Variants in JAKMIP2 observed in about 807,000 individuals in gnomAD.
The protein encoded by JAKMIP2 is janus kinase and microtubule interacting protein 2.
A neutral mutation model predicts 115.0 loss-of-function variants in JAKMIP2; 25 were observed. The observed-to-expected ratio is 0.22, with a 90% confidence interval of 0.16 to 0.30. The LOEUF is 0.30. JAKMIP2 is among the 10% of genes least tolerant of loss of function. JAKMIP2 has a pLI of 1.00. For synonymous variants in JAKMIP2, 334 were observed against 343.6 expected, an observed-to-expected ratio of 0.97 and a Z score of 0.31; for missense variants, 642 against 957.6, an observed-to-expected ratio of 0.67 and a Z score of 4.35.
Position 147,623,702 on chromosome 5 carries a change from C to T in JAKMIP2, c.1996-13G>A. On this transcript the variant is annotated splice_polypyrimidine_tract_variant and intron_variant, in intron 16 of 21. Coordinates refer to ENST00000616793, the MANE Select transcript of JAKMIP2 (RefSeq NM_001270941.2). ...TCTGCTGGATCCACTAAGGGGTTAA[C>T]AAGACAAAAGTGTTTGACATGGCTG... is the stretch of plus-strand genomic sequence containing the variant. 1 of 1,597,784 alleles carries T rather than the reference C, an allele frequency of 6.3e-7. No homozygotes were observed. The highest frequency in any genetic ancestry group is 1.1e-5 in the South Asian group (1 of 90,758).
At chr5:147,625,536 T>A (rs578250684) in intron 16 of JAKMIP2, among the ~76,000 whole-genome samples, 10 of 152,306 alleles carry the variant, frequency 6.6e-5, no homozygotes, top group African/African-American at 2.4e-4. Context: ...ATTGTACCCA[T>A]CCAAAACCTA....
intron 1 of JAKMIP2, among the ~76,000 whole-genome samples, chr5:147,755,199 C>A (rs1480134774): frequency 6.6e-6 from 1 of 152,070 alleles, no homozygotes; most frequent in Non-Finnish European, 1.5e-5. Context: ...TTGAAACAAT[C>A]CAGACAAAAG....
chr5:147,601,859 G>T, intron 20 of JAKMIP2, 48 bp from the exon 21 acceptor site: 2 of 858,634 alleles, frequency 2.3e-6, no homozygotes, highest in Non-Finnish European at 3.7e-6. Flanking sequence ...TTTCTGTAGT[G>T]CCATTCAGGT....
chr5:147,650,298 A>G (rs1396924347), intron 4 of JAKMIP2, 40 bp downstream of exon 4: 6 of 1,276,222 alleles, frequency 4.7e-6, no homozygotes, highest in Non-Finnish European at 6.9e-6. Context: ...TAAATAAAAG[A>G]TGACTTGTGC....
intron 16 of JAKMIP2, among the ~76,000 whole-genome samples, chr5:147,625,298 G>C (rs1442208819): frequency 6.6e-6 from 1 of 152,052 alleles, no homozygotes; most frequent in Non-Finnish European, 1.5e-5. Context: ...GTTCTTTCTA[G>C]GTTACCTGTG....
In JAKMIP2 at chr5:147,661,011, A is replaced by G; in HGVS notation, c.564T>C (p.His188=). 1.9e-6 allele frequency: 3 copies of G among 1,613,928 alleles called. No individual in the cohort carries two copies. The highest frequency in any genetic ancestry group is 2.5e-6 in the Non-Finnish European group (3 of 1,179,986). The change falls in exon 3 of 22, where the codon CAT becomes CAC. Residue 188 remains histidine (H), a synonymous_variant. Transcript: ENST00000616793. The stretch of plus-strand genomic sequence containing the variant: ...TCGAGATGGCTTCTTGGTGGGACTG[A>G]TGCTCACTCCGAAGGTCCCCAGCCT... ...KIKAGDLRSE[H]QSHQEAISKI... is the part of the protein sequence containing the mutation.
intron 12 of JAKMIP2, among the ~76,000 whole-genome samples, chr5:147,635,018 G>C (rs1367812510): frequency 6.6e-6 from 1 of 152,008 alleles, no homozygotes; most frequent in Admixed American, 6.6e-5. Context: ...AGATTATTTT[G>C]TAATTTAAAT....
At chr5:147,594,126 A>G (rs1160290084) in intron 21 of JAKMIP2, among the ~76,000 whole-genome samples, 1 of 152,166 alleles carries the variant, frequency 6.6e-6, no homozygotes, top group Admixed American at 6.5e-5. Context: ...TTAAGTTTCT[A>G]TGAATTGAGA....
At chr5:147,778,591 T>C (rs1207474833) in intron 1 of JAKMIP2, among the ~76,000 whole-genome samples, 1 of 152,118 alleles carries the variant, frequency 6.6e-6, no homozygotes, top group Admixed American at 6.6e-5. Context: ...TCCCTGAATC[T>C]GTTTCCACTT....
At chr5:147,637,158 C>A in intron 10 of JAKMIP2, 110 bp from the exon 11 acceptor site, 1 of 715,754 alleles carries the variant, frequency 1.4e-6, no homozygotes, top group Admixed American at 2.4e-5. Context: ...GAAGAATTTT[C>A]TATGACAAAA....
chr5:147,757,336 G>A (rs1018248936), intron 1 of JAKMIP2, among the ~76,000 whole-genome samples: 2 of 152,138 alleles, frequency 1.3e-5, no homozygotes, highest in African/African-American at 4.8e-5. Context: ...CTTGATGATG[G>A]TAGCAGAGCT....
chr5:147,709,034 A>G (rs1752682715), intron 1 of JAKMIP2, among the ~76,000 whole-genome samples: 1 of 152,228 alleles, frequency 6.6e-6, no homozygotes, highest in African/African-American at 2.4e-5. Flanking sequence ...GATGGAAGTG[A>G]AAATGTTTAA....
chr5:147,660,747 A>C (rs1488781032), intron 3 of JAKMIP2: 1 of 593,518 alleles, frequency 1.7e-6, no homozygotes, highest in Non-Finnish European at 2.9e-6. Context: ...TACACTTTAC[A>C]ATTTCAATTT....
chr5:147,714,158 A>T (rs1752880411), intron 1 of JAKMIP2, among the ~76,000 whole-genome samples: 1 of 152,196 alleles, frequency 6.6e-6, no homozygotes, highest in Admixed American at 6.5e-5. Context: ...CAACAGAAAC[A>T]CACAAAGACT....
In JAKMIP2 at chr5:147,706,123, G is replaced by A. The variant is rs115624171; in HGVS notation, c.-148-34169C>T. ...TAACCTAAATATTAGTATCTATAGT[G>A]GAATAGCTCTACAGTGGAATATCAT... is the stretch of plus-strand genomic sequence containing the variant. On this transcript the variant is annotated intron_variant, in intron 1 of 21. Coordinates refer to ENST00000616793, the MANE Select transcript of JAKMIP2 (RefSeq NM_001270941.2). Among the ~76,000 whole-genome samples the A allele has an allele frequency of 5.0e-3, 767 of 152,158 alleles. 15 individuals are homozygous for A. Among genetic ancestry groups the A allele is most frequent in the African/African-American group, 0.016 (682 of 41,510 alleles).
chr5:147,696,027 C>CGTAG (rs1752092550), intron 1 of JAKMIP2, among the ~76,000 whole-genome samples: 3 of 152,092 alleles, frequency 2.0e-5, no homozygotes, highest in Admixed American at 2.0e-4. Flanking sequence ...CAATTACAGG[C>CGTAG]TTCTACCAGC....
chr5:147,720,743 C>A (rs1753238741), intron 1 of JAKMIP2, among the ~76,000 whole-genome samples: 1 of 149,454 alleles, frequency 6.7e-6, no homozygotes, highest in Non-Finnish European at 1.5e-5. Context: ...TCTAGTTATA[C>A]ATTCTTCTAA....
intron 1 of JAKMIP2, among the ~76,000 whole-genome samples, chr5:147,767,910 T>C (rs1755210445): frequency 6.6e-6 from 1 of 152,172 alleles, no homozygotes; most frequent in Non-Finnish European, 1.5e-5. Flanking sequence ...CAGCAAACCA[T>C]TCAGTCTGCA....
In JAKMIP2 at chr5:147,606,176, C is replaced by T. The variant is rs186186352; in HGVS notation, c.2413-4365G>A. On this transcript the variant is annotated intron_variant, in intron 20 of 21. Transcript: ENST00000616793. ...TAGTTTTTTTTGCTGTGCAGATGCT[C>T]TTTAGCTTAATTAGATCCTATTTGT... Among the ~76,000 whole-genome samples, 71 of 152,002 alleles carry T rather than the reference C, an allele frequency of 4.7e-4. No individual in the cohort carries two copies. In the Middle Eastern group the frequency reaches 0.01, roughly 22 times the overall value.
Sources: gnomAD v4.1 joint callset for allele counts (sites outside exome capture counted in the v4.1 genomes callset) on GRCh38, gnomAD v4.1.1 for gene constraint, MANE v1.5 for transcripts, NCBI Gene and HGNC (gene_info 2026-07-23, HGNC 2026-07-21) for gene names.